Variants in ARHGAP26 observed in about 807,000 individuals in gnomAD.
ARHGAP26 encodes Rho GTPase activating protein 26.
ARHGAP26 carries 38 observed loss-of-function variants against 104.8 expected under a neutral mutation model. The observed-to-expected ratio is 0.36, with a 90% confidence interval of 0.28 to 0.48. The LOEUF is 0.48. ARHGAP26 is among the 20% of genes least tolerant of loss of function. ARHGAP26 has a pLI of 0.99. For missense variants in ARHGAP26, 704 were observed against 947.9 expected, an observed-to-expected ratio of 0.74 and a Z score of 3.38; for synonymous variants, 341 against 340.0, an observed-to-expected ratio of 1.00 and a Z score of -0.03.
intron 17 of ARHGAP26, among the ~76,000 whole-genome samples, chr5:143,071,933 A>T (rs1456101730): frequency 2.0e-5 from 3 of 152,168 alleles, no homozygotes; most frequent in African/African-American, 7.2e-5. Context: ...CAAAAATTTG[A>T]TGTCAAAGTC....
chr5:143,157,526 A>T (rs1365569712), intron 20 of ARHGAP26, among the ~76,000 whole-genome samples: 1 of 152,200 alleles, frequency 6.6e-6, no homozygotes, highest in Non-Finnish European at 1.5e-5. Context: ...TAATATGTCC[A>T]TCTTGAAGGG....
chr5:142,887,971 A>C (rs1598091190), intron 5 of ARHGAP26, among the ~76,000 whole-genome samples: 1 of 152,204 alleles, frequency 6.6e-6, no homozygotes, highest in Non-Finnish European at 1.5e-5. Flanking sequence ...TCTCAAAAAA[A>C]ACCAAAAACC....
chr5:143,029,740 G>T (rs1395705441), intron 12 of ARHGAP26, among the ~76,000 whole-genome samples: 11 of 152,232 alleles, frequency 7.2e-5, no homozygotes, highest in African/African-American at 2.6e-4. Context: ...ATAACCTACA[G>T]TGCTTCCAGC....
At chr5:142,880,991 T>A (rs1234157382) in intron 4 of ARHGAP26, among the ~76,000 whole-genome samples, 1 of 152,232 alleles carries the variant, frequency 6.6e-6, no homozygotes, top group Non-Finnish European at 1.5e-5. Context: ...GTATCAGAGA[T>A]TAAGGAATGT....
intron 17 of ARHGAP26, chr5:143,058,017 G>A (rs1213148938): frequency 3.3e-6 from 2 of 615,014 alleles, no homozygotes; most frequent in South Asian, 1.5e-5. Context: ...GTGATCAAGG[G>A]CAAATTGGAG....
chr5:143,141,822 C>T (rs1253149738), intron 19 of ARHGAP26, among the ~76,000 whole-genome samples: 2 of 152,180 alleles, frequency 1.3e-5, no homozygotes, highest in Middle Eastern at 3.2e-3. Flanking sequence ...TCATCAGAGG[C>T]CCATTCCTCC....
chr5:142,965,037 G>A (rs920632626), intron 11 of ARHGAP26, among the ~76,000 whole-genome samples: 1 of 152,218 alleles, frequency 6.6e-6, no homozygotes, highest in East Asian at 1.9e-4. Context: ...CACTGGACAA[G>A]GGGCCCTTCC....
chr5:142,864,006 T>C (rs979634984), intron 1 of ARHGAP26, among the ~76,000 whole-genome samples: 2 of 152,064 alleles, frequency 1.3e-5, no homozygotes, highest in African/African-American at 4.8e-5. Context: ...CCCACCATTC[T>C]TAGACCTCTA....
intron 20 of ARHGAP26, among the ~76,000 whole-genome samples, chr5:143,194,637 C>G (rs933190272): frequency 4.6e-5 from 7 of 151,406 alleles, no homozygotes; most frequent in African/African-American, 1.7e-4. Context: ...TCATTGACTT[C>G]TCTGTGGATA....
At position 142,882,405 on chromosome 5, in the gene ARHGAP26, C is replaced by A. The variant is rs188963142; in HGVS notation, c.385-2893C>A. ...GTGATTATATTAGATACACACAGTT[C>A]ATTTGTTTAAAAAATATGTGAGAGC... On this transcript the variant is annotated intron_variant, in intron 4 of 22. Coordinates refer to ENST00000645722, the MANE Select transcript of ARHGAP26 (RefSeq NM_001135608.3). 1.5e-3 allele frequency among the ~76,000 whole-genome samples: 221 copies of A among 152,318 alleles called. 3 individuals carry two copies. The highest frequency in any genetic ancestry group is 3.4e-3 in the Middle Eastern group (1 of 294).
intron 17 of ARHGAP26, among the ~76,000 whole-genome samples, chr5:143,079,552 G>T (rs577164106): frequency 2.6e-4 from 39 of 152,262 alleles, no homozygotes; most frequent in South Asian, 1.2e-3. Flanking sequence ...TGCCAGACAC[G>T]GGACAACCAG....
chr5:142,792,364 G>T (rs1234341475), intron 1 of ARHGAP26, among the ~76,000 whole-genome samples: 4 of 152,202 alleles, frequency 2.6e-5, no homozygotes, highest in Non-Finnish European at 4.4e-5. Context: ...TTAAGCAGAA[G>T]AGACTGTCTC....
intron 19 of ARHGAP26, among the ~76,000 whole-genome samples, chr5:143,139,090 C>G (rs1008464085): frequency 1.3e-5 from 2 of 152,180 alleles, no homozygotes; most frequent in Non-Finnish European, 2.9e-5. Context: ...TTCAAAGTTT[C>G]ATTCAGCTGG....
intron 6 of ARHGAP26, among the ~76,000 whole-genome samples, chr5:142,901,360 T>C (rs1760303807): frequency 6.6e-6 from 1 of 152,166 alleles, no homozygotes; most frequent in South Asian, 2.1e-4. Context: ...AATAAAGGAA[T>C]CCATAGTGTT....
At chr5:142,784,650 A>G (rs1325646004) in intron 1 of ARHGAP26, among the ~76,000 whole-genome samples, 1 of 152,100 alleles carries the variant, frequency 6.6e-6, no homozygotes, top group Non-Finnish European at 1.5e-5. Context: ...AGCTCCCCAA[A>G]TGGGCAGCAT....
chr5:142,919,479 A>G, intron 10 of ARHGAP26: 1 of 398,252 alleles, frequency 2.5e-6, no homozygotes, highest in Non-Finnish European at 4.4e-6. Context: ...CGGCAGCCCC[A>G]GGAAATGAAC....
chr5:142,906,264 C>T (rs1761091182), intron 8 of ARHGAP26, among the ~76,000 whole-genome samples: 1 of 152,132 alleles, frequency 6.6e-6, no homozygotes, highest in Non-Finnish European at 1.5e-5. Flanking sequence ...CACTATTTTC[C>T]CCTTGTAACT....
intron 22 of ARHGAP26, among the ~76,000 whole-genome samples, chr5:143,217,118 C>CGT (rs1162343952): frequency 6.6e-6 from 1 of 151,720 alleles, no homozygotes. Context: ...AGAAAGTGCA[C>CGT]GTGTGTGTGT....
At chr5:142,953,901 C>T (rs1345205693) in intron 11 of ARHGAP26, among the ~76,000 whole-genome samples, 12 of 152,142 alleles carry the variant, frequency 7.9e-5, no homozygotes, top group Non-Finnish European at 1.8e-4. Context: ...TGGTTGACAT[C>T]GTCCATTTGG....
Sources: allele counts gnomAD v4.1 joint callset (sites outside exome capture counted in the v4.1 genomes callset), GRCh38; gene constraint gnomAD v4.1.1; transcripts MANE v1.5; gene names NCBI Gene and HGNC (gene_info 2026-07-23, HGNC 2026-07-21).